The following KAZN variants were observed in gnomAD, a reference collection of about 807,000 sequenced individuals.
The protein encoded by KAZN is kazrin, periplakin interacting protein.
In KAZN, 40 loss-of-function variants were observed where a neutral mutation model predicts 87.4. The ratio of observed to expected loss-of-function variants is 0.46; its 90% CI spans 0.36 to 0.60. The LOEUF is 0.60. Among genes scored for constraint, KAZN ranks in the 20% least tolerant of loss-of-function variants. The pLI is 0.00. For synonymous variants in KAZN, 466 were observed against 458.3 expected (o/e 1.02, Z -0.22); for missense variants, 898 against 1,073.9 (o/e 0.84, Z 2.29).
At chr1:14,995,340 T>A (rs1157516001) in intron 2 of KAZN, among the ~76,000 whole-genome samples, 1 of 152,184 alleles carries the variant, frequency 6.6e-6, no homozygotes, top group Non-Finnish European at 1.5e-5. Context: ...CTTCCTGGGT[T>A]GTGCTTCTCC....
At chr1:14,352,688 A>G (rs145307289) in intron 2 of KAZN, among the ~76,000 whole-genome samples, 28 of 152,306 alleles carry the variant, frequency 1.8e-4, no homozygotes, top group African/African-American at 5.8e-4. Flanking sequence ...CAAGAGATAT[A>G]ATTGCAGGCC....
chr1:14,258,619 T>G (rs1009070432), intron 2 of KAZN, among the ~76,000 whole-genome samples: 1 of 152,212 alleles, frequency 6.6e-6, no homozygotes, highest in Non-Finnish European at 1.5e-5. Flanking sequence ...GAGAACCAAA[T>G]GCATTGGCGA....
At chr1:14,834,006 CACAT>C (rs1292997416) in intron 1 of KAZN, among the ~76,000 whole-genome samples, 266 of 126,588 alleles carry the variant, frequency 2.1e-3, no homozygotes, top group Non-Finnish European at 2.8e-3. Context: ...CACACACACA[CACAT>C]ACACACACAT....
At chr1:14,265,116 T>C (rs1011178730) in intron 2 of KAZN, among the ~76,000 whole-genome samples, 14 of 152,236 alleles carry the variant, frequency 9.2e-5, no homozygotes, top group Admixed American at 2.0e-4. Flanking sequence ...TAGCACAAAG[T>C]TGAATTTTGG....
At chr1:14,356,059 G>A (rs916023356) in intron 2 of KAZN, among the ~76,000 whole-genome samples, 3 of 152,184 alleles carry the variant, frequency 2.0e-5, no homozygotes, top group Non-Finnish European at 2.9e-5. Context: ...GTGTAAAAGT[G>A]TTCCTATTTC....
chr1:13,918,975 A>G (rs1473040501), intron 1 of KAZN, among the ~76,000 whole-genome samples: 2 of 152,116 alleles, frequency 1.3e-5, no homozygotes, highest in African/African-American at 4.8e-5. Context: ...AATTGAGATT[A>G]GATAGTGGGC....
At chr1:14,118,241 C>A (rs1022569907) in intron 1 of KAZN, among the ~76,000 whole-genome samples, 1 of 152,234 alleles carries the variant, frequency 6.6e-6, no homozygotes, top group Non-Finnish European at 1.5e-5. Flanking sequence ...TTTACTTATA[C>A]ATAAAATGTT....
At chr1:14,693,554 A>G (rs1641439215) in intron 1 of KAZN, among the ~76,000 whole-genome samples, 1 of 152,210 alleles carries the variant, frequency 6.6e-6, no homozygotes, top group Admixed American at 6.5e-5. Flanking sequence ...ACGGCGGTCT[A>G]ACCACTGCTG....
At chr1:15,063,744 A>C (rs1638996574) in intron 7 of KAZN, 122 bp downstream of exon 7, 2 of 796,564 alleles carry the variant, frequency 2.5e-6, no homozygotes, top group Non-Finnish European at 4.3e-6. Context: ...GATTTATGCC[A>C]CTTCCGCTGA....
In KAZN at chr1:14,705,088, A is replaced by C. The variant is rs546947087; in HGVS notation, c.226+105865A>C. 3.9e-5 allele frequency among the ~76,000 whole-genome samples: 6 copies of C among 152,298 alleles called. No individual in the cohort carries two copies. The East Asian group carries it at 1.2e-3, about 29-fold the overall frequency. On this transcript the variant is annotated intron_variant, in intron 1 of 14. Transcript: ENST00000376030. ...CCCAGTTCCGGAGGCTGAAGGTCCA[A>C]GATCAAGGTGCCAGAAGGGTTGGTT...
At chr1:14,061,022 C>T (rs775944100) in intron 1 of KAZN, among the ~76,000 whole-genome samples, 8 of 152,306 alleles carry the variant, frequency 5.3e-5, no homozygotes, top group South Asian at 2.1e-4. Context: ...ATGAGTTTCT[C>T]AAACTTTGTG....
intron 2 of KAZN, among the ~76,000 whole-genome samples, chr1:14,447,728 C>A (rs1453699304): frequency 6.6e-6 from 1 of 151,344 alleles, no homozygotes; most frequent in Non-Finnish European, 1.5e-5. Flanking sequence ...GGTTGGGGGT[C>A]TCTCATTCTG....
chr1:14,373,977 C>T (rs935617564), intron 2 of KAZN, among the ~76,000 whole-genome samples: 1 of 152,182 alleles, frequency 6.6e-6, no homozygotes, highest in African/African-American at 2.4e-5. Flanking sequence ...GGAGTGTAAA[C>T]TAACATAAGC....
intron 2 of KAZN, among the ~76,000 whole-genome samples, chr1:14,214,255 T>A (rs936719113): frequency 3.2e-5 from 4 of 123,834 alleles, no homozygotes; most frequent in Non-Finnish European, 7.0e-5. Flanking sequence ...GGAGTGTACA[T>A]CGTTATCTGA....
At chr1:14,414,653 G>A (rs572731607) in intron 2 of KAZN, among the ~76,000 whole-genome samples, 12 of 152,214 alleles carry the variant, frequency 7.9e-5, no homozygotes, top group African/African-American at 2.2e-4. Context: ...TTATACGTAT[G>A]TAGCAAAAAT....
At chr1:14,257,975 G>GAGA (rs1650674722) in intron 2 of KAZN, among the ~76,000 whole-genome samples, 1 of 87,974 alleles carries the variant, frequency 1.1e-5, no homozygotes, top group African/African-American at 4.3e-5. Context: ...AAAAAAAAGA[G>GAGA]AAAAAAAAAA....
intron 2 of KAZN, among the ~76,000 whole-genome samples, chr1:14,256,408 G>A (rs567712010): frequency 6.6e-6 from 1 of 151,976 alleles, no homozygotes; most frequent in Non-Finnish European, 1.5e-5. Flanking sequence ...GAGAGAAGGA[G>A]AGAGGGAAAG....
intron 1 of KAZN, among the ~76,000 whole-genome samples, chr1:14,926,766 G>A (rs1172167172): frequency 6.6e-6 from 1 of 152,200 alleles, no homozygotes; most frequent in Non-Finnish European, 1.5e-5. Flanking sequence ...ATTTCAGCCA[G>A]GCTGTGCGGT....
At chr1:14,207,606 A>G (rs918067284) in intron 2 of KAZN, among the ~76,000 whole-genome samples, 3 of 152,178 alleles carry the variant, frequency 2.0e-5, no homozygotes, top group African/African-American at 7.2e-5. Flanking sequence ...TCAAAAATAT[A>G]TTGTTTTAAA....
Sources: allele counts gnomAD v4.1 joint callset (sites outside exome capture counted in the v4.1 genomes callset), GRCh38; gene constraint gnomAD v4.1.1; transcripts MANE v1.5; gene names NCBI Gene and HGNC (gene_info 2026-07-23, HGNC 2026-07-21).